Variants in ADGRV1 observed in about 807,000 individuals in gnomAD.
The protein encoded by ADGRV1 is adhesion G protein-coupled receptor V1, also known as G-protein coupled receptor 98.
ADGRV1 carries 359 observed loss-of-function variants against 596.2 expected under a neutral mutation model. The observed-to-expected ratio is 0.60, with a 90% CI of 0.55 to 0.66. ADGRV1 has a LOEUF of 0.66. Among genes scored for constraint, ADGRV1 ranks in the 30% least tolerant of loss-of-function variants. The pLI is 0.00. For synonymous variants in ADGRV1, 2,681 were observed against 2,679.2 expected, an observed-to-expected ratio of 1.00 and a Z score of -0.02; for missense variants, 7,274 against 7,575.6, an observed-to-expected ratio of 0.96 and a Z score of 1.48.
intron 83 of ADGRV1, among the ~76,000 whole-genome samples, chr5:90,886,788 T>C (rs1770332873): frequency 6.6e-6 from 1 of 152,172 alleles, no homozygotes; most frequent in Non-Finnish European, 1.5e-5. Context: ...TTCACAGAGT[T>C]TCTCAAGCAT....
At chr5:91,011,300 G>A (rs1046156095) in intron 85 of ADGRV1, among the ~76,000 whole-genome samples, 5 of 151,898 alleles carry the variant, frequency 3.3e-5, no homozygotes, top group African/African-American at 1.2e-4. Context: ...TTTATTTTCT[G>A]AGGAAGAAAA....
chr5:91,069,928 CAA>C (rs70973728), intron 85 of ADGRV1, among the ~76,000 whole-genome samples: 6 of 136,874 alleles, frequency 4.4e-5, no homozygotes, highest in African/African-American at 8.5e-5. Flanking sequence ...AATGTAGCCA[CAA>C]AAAAAAAAAA....
intron 85 of ADGRV1, among the ~76,000 whole-genome samples, chr5:91,042,894 A>G (rs994032444): frequency 6.6e-6 from 1 of 151,212 alleles, no homozygotes; most frequent in Non-Finnish European, 1.5e-5. Flanking sequence ...TTTGGCTTCA[A>G]CTCTTTATTG....
At chr5:90,844,336 A>G (rs779578588) in intron 78 of ADGRV1, among the ~76,000 whole-genome samples, 2 of 152,200 alleles carry the variant, frequency 1.3e-5, no homozygotes, top group African/African-American at 2.4e-5. Context: ...TCTATTATAT[A>G]CAATGTATTT....
intron 13 of ADGRV1, 54 bp downstream of exon 13, chr5:90,643,095 T>C: frequency 7.1e-7 from 1 of 1,401,074 alleles, no homozygotes; most frequent in East Asian, 2.3e-5. Context: ...TAGTATTTGG[T>C]ATATTATGAA....
At chr5:90,943,112 C>A (rs1328302419) in intron 83 of ADGRV1, among the ~76,000 whole-genome samples, 2 of 152,034 alleles carry the variant, frequency 1.3e-5, no homozygotes, top group Non-Finnish European at 2.9e-5. Flanking sequence ...TTCTTTAAAG[C>A]TGGCCTTTCC....
chr5:90,690,115 C>G lies in ADGRV1; in HGVS notation c.6706+39C>G, dbSNP rs528781029. The G allele has an allele frequency of 8.9e-6, 10 of 1,126,948 alleles. No homozygotes were observed. In the South Asian group the frequency reaches 1.3e-4, roughly 15 times the overall value. The allele number at this position is 1,126,948 out of a possible 1,614,324, so 69.8% of individuals were successfully genotyped here. A position where few individuals can be genotyped will look rare whatever the true frequency, so the allele number is the denominator to read the frequency against. On this transcript the variant is annotated intron_variant, in intron 30 of 89. Coordinates refer to ENST00000405460, the MANE Select transcript of ADGRV1 (RefSeq NM_032119.4). ...TTTATGTCTCTCTTTGACTTGTCTG[C>G]ATGTATAGATCATAGATAATGATCT...
intron 82 of ADGRV1, among the ~76,000 whole-genome samples, chr5:90,860,266 T>A (rs958843472): frequency 1.3e-5 from 2 of 152,090 alleles, no homozygotes; most frequent in African/African-American, 4.8e-5. Context: ...ACTTTTATAC[T>A]GTAAAATGCT....
At chr5:91,114,156 TTGCAGTGAGC>T (rs1792638844) in intron 87 of ADGRV1, among the ~76,000 whole-genome samples, 5 of 151,858 alleles carry the variant, frequency 3.3e-5, no homozygotes, top group African/African-American at 1.2e-4. Flanking sequence ...GAGGCAGAGG[TTGCAGTGAGC>T]TGAGATTGCA....
chr5:91,064,665 T>A (rs923618734), intron 85 of ADGRV1, among the ~76,000 whole-genome samples: 4 of 152,226 alleles, frequency 2.6e-5, no homozygotes, highest in African/African-American at 9.6e-5. Flanking sequence ...CATTTTAGAA[T>A]GTAGTTGATT....
At chr5:91,092,619 G>C (rs750302479) in intron 86 of ADGRV1, 5 of 152,094 alleles carry the variant, frequency 3.3e-5, no homozygotes, top group Non-Finnish European at 5.9e-5. Context: ...TGATACTTTA[G>C]AACTTCAAAC....
intron 45 of ADGRV1, among the ~76,000 whole-genome samples, chr5:90,721,531 AAAAAT>A (rs369937781): frequency 0.036 from 2,956 of 82,610 alleles, 186 homozygotes; most frequent in Non-Finnish European, 0.055. Context: ...AAATAAAAAT[AAAAAT>A]AAAATAAAAT....
intron 1 of ADGRV1, among the ~76,000 whole-genome samples, chr5:90,570,765 GT>G (rs573716673): frequency 0.074 from 10,324 of 139,170 alleles, 1,024 homozygotes; most frequent in African/African-American, 0.24. Context: ...CCAGATTTCT[GT>G]TTTTTTTTTT....
intron 70 of ADGRV1, 184 bp downstream of exon 70, chr5:90,791,530 A>G (rs1435605310): frequency 1.8e-6 from 1 of 561,412 alleles, no homozygotes; most frequent in Non-Finnish European, 3.1e-6. Flanking sequence ...GTATATTACT[A>G]TTTGGATGGA....
At chr5:90,645,235 A>T (rs1767573661) in intron 15 of ADGRV1, among the ~76,000 whole-genome samples, 2 of 152,224 alleles carry the variant, frequency 1.3e-5, no homozygotes, top group Admixed American at 6.5e-5. Flanking sequence ...CATGGACCAA[A>T]CATGGCATTT....
At chr5:90,823,402 A>T in intron 75 of ADGRV1, 23 bp from the exon 76 acceptor site, 1 of 1,611,542 alleles carries the variant, frequency 6.2e-7, no homozygotes. Context: ...CTGTTAAGGC[A>T]TTGGTGGGTT....
chr5:90,767,648 A>G (rs924313899), intron 59 of ADGRV1, among the ~76,000 whole-genome samples: 1 of 151,944 alleles, frequency 6.6e-6, no homozygotes, highest in Non-Finnish European at 1.5e-5. Flanking sequence ...AATTCCACCA[A>G]ATATGTTTAC....
chr5:91,016,014 C>T (rs1327807257), intron 85 of ADGRV1, among the ~76,000 whole-genome samples: 1 of 151,864 alleles, frequency 6.6e-6, no homozygotes, highest in Admixed American at 6.6e-5. Context: ...CAGTCTTTCT[C>T]TATTTAGTGC....
intron 85 of ADGRV1, among the ~76,000 whole-genome samples, chr5:91,014,052 T>A (rs932866683): frequency 6.6e-6 from 1 of 151,664 alleles, no homozygotes; most frequent in Admixed American, 6.6e-5. Context: ...TCTATTTTGT[T>A]CCGTTGGTCT....
Sources: gnomAD v4.1 joint callset for allele counts (sites outside exome capture counted in the v4.1 genomes callset) on GRCh38, gnomAD v4.1.1 for gene constraint, MANE v1.5 for transcripts, NCBI Gene and HGNC (gene_info 2026-07-23, HGNC 2026-07-21) for gene names.